Variants in RBFOX1 observed in about 807,000 individuals in gnomAD.
RBFOX1 encodes RNA binding protein fox-1 homolog 1.
RBFOX1 carries 8 observed loss-of-function variants against 57.7 expected under a neutral mutation model. That is an observed-to-expected ratio of 0.14 (90% CI 0.08 to 0.25). RBFOX1 has a LOEUF of 0.25. RBFOX1 is among the 10% of genes least tolerant of loss of function. The pLI, the probability that RBFOX1 is intolerant of heterozygous loss-of-function variation, is 1.00. For synonymous variants in RBFOX1, 326 were observed against 222.4 expected, an observed-to-expected ratio of 1.47 and a Z score of -4.15; for missense variants, 611 against 548.5, an observed-to-expected ratio of 1.11 and a Z score of -1.14.
intron 3 of RBFOX1, among the ~76,000 whole-genome samples, chr16:6,667,740 A>T (rs571787997): frequency 6.6e-6 from 1 of 152,138 alleles, no homozygotes; most frequent in East Asian, 1.9e-4. Flanking sequence ...ATATAGCCAC[A>T]TAGTTAGGCA....
chr16:7,046,559 A>G (rs1192825212), intron 3 of RBFOX1, among the ~76,000 whole-genome samples: 2 of 145,584 alleles, frequency 1.4e-5, no homozygotes, highest in African/African-American at 5.2e-5. Context: ...AATAAAGTTT[A>G]TCACCACGTA....
chr16:6,508,439 T>C (rs965313596), intron 2 of RBFOX1, among the ~76,000 whole-genome samples: 2 of 152,044 alleles, frequency 1.3e-5, no homozygotes, highest in Admixed American at 6.6e-5. Context: ...ATTATGTGGG[T>C]TTTTTAACCA....
intron 14 of RBFOX1, among the ~76,000 whole-genome samples, chr16:7,678,147 A>T (rs898797633): frequency 6.6e-6 from 1 of 152,228 alleles, no homozygotes; most frequent in East Asian, 1.9e-4. Context: ...ATAAGCAGCC[A>T]TAACAAGTTC....
chr16:7,047,418 C>A (rs895334414), intron 3 of RBFOX1, among the ~76,000 whole-genome samples: 3 of 152,004 alleles, frequency 2.0e-5, no homozygotes, highest in African/African-American at 7.2e-5. Context: ...TGTTTTAAAT[C>A]CATAGTTCTT....
At chr16:6,987,536 C>T (rs146759796) in intron 3 of RBFOX1, among the ~76,000 whole-genome samples, 5 of 150,724 alleles carry the variant, frequency 3.3e-5, no homozygotes, top group African/African-American at 1.2e-4. Context: ...CAAACATAAT[C>T]ATATACACGG....
chr16:7,463,841 A>C (rs1483830467), intron 4 of RBFOX1, among the ~76,000 whole-genome samples: 1 of 152,216 alleles, frequency 6.6e-6, no homozygotes, highest in African/African-American at 2.4e-5. Context: ...AGCCACTGAG[A>C]TAGATACTTC....
chr16:7,037,140 G>T (rs756585070), intron 3 of RBFOX1, among the ~76,000 whole-genome samples: 2 of 149,500 alleles, frequency 1.3e-5, no homozygotes, highest in Admixed American at 6.7e-5. Context: ...CTTACGACCT[G>T]TATCTTGTCT....
intron 2 of RBFOX1, among the ~76,000 whole-genome samples, chr16:5,501,980 C>A (rs1343908960): frequency 6.6e-6 from 1 of 152,042 alleles, no homozygotes; most frequent in Non-Finnish European, 1.5e-5. Context: ...ACCTTGGCCT[C>A]CCAAAGTGCT....
At chr16:6,517,545 G>A (rs893116558) in intron 2 of RBFOX1, among the ~76,000 whole-genome samples, 4 of 152,206 alleles carry the variant, frequency 2.6e-5, no homozygotes, top group East Asian at 1.9e-4. Context: ...AGTGGGAGAG[G>A]ATGTGAGGAT....
At chr16:6,550,723 C>G (rs143988363) in intron 2 of RBFOX1, among the ~76,000 whole-genome samples, 2 of 152,332 alleles carry the variant, frequency 1.3e-5, no homozygotes, top group African/African-American at 4.8e-5. Flanking sequence ...AATTGTTATA[C>G]TTCATAAAAT....
chr16:5,855,976 CTTTTTTT>C (rs1160702604), intron 3 of RBFOX1, among the ~76,000 whole-genome samples: 5 of 77,708 alleles, frequency 6.4e-5, no homozygotes, highest in Non-Finnish European at 1.3e-4. Context: ...GTATGTTATT[CTTTTTTT>C]TTTTTTTTTT....
intron 4 of RBFOX1, among the ~76,000 whole-genome samples, chr16:5,973,801 C>A (rs186169365): frequency 2.0e-5 from 3 of 152,328 alleles, no homozygotes; most frequent in Non-Finnish European, 1.5e-5. Flanking sequence ...GGACAAGGAT[C>A]TGTCTCTTCT....
intron 3 of RBFOX1, among the ~76,000 whole-genome samples, chr16:5,843,137 A>G (rs2151850381): frequency 6.6e-6 from 1 of 151,900 alleles, no homozygotes; most frequent in African/African-American, 2.4e-5. Flanking sequence ...TATTATTTTT[A>G]TTTTTATCTT....
chr16:7,705,846 C>G (rs951259472), intron 14 of RBFOX1, among the ~76,000 whole-genome samples: 1 of 152,096 alleles, frequency 6.6e-6, no homozygotes, highest in Non-Finnish European at 1.5e-5. Context: ...GTAAAGTGGA[C>G]ACATTGAAGA....
chr16:6,496,648 A>G (rs1012819354), intron 2 of RBFOX1, among the ~76,000 whole-genome samples: 12 of 152,266 alleles, frequency 7.9e-5, no homozygotes, highest in African/African-American at 2.9e-4. Flanking sequence ...TCTTGGGGAA[A>G]CACATCACAG....
chr16:5,321,374 C>G (rs952869446), intron 1 of RBFOX1, among the ~76,000 whole-genome samples: 4 of 150,998 alleles, frequency 2.6e-5, no homozygotes, highest in African/African-American at 9.7e-5. Context: ...GGCTGGAGTG[C>G]AGTGGCGAAG....
At chr16:6,796,685 T>A (rs755722483) in intron 3 of RBFOX1, among the ~76,000 whole-genome samples, 1 of 152,194 alleles carries the variant, frequency 6.6e-6, no homozygotes, top group East Asian at 1.9e-4. Context: ...ATGTTACCAA[T>A]TGGTAAGAGA....
chr16:7,217,019 C>CCCCCCCTT (rs2092179846), intron 4 of RBFOX1, among the ~76,000 whole-genome samples: 1 of 77,282 alleles, frequency 1.3e-5, no homozygotes, highest in Non-Finnish European at 2.6e-5. Context: ...TTCCCTCCCT[C>CCCCCCCTT]CCTCCCTCCC....
intron 1 of RBFOX1, among the ~76,000 whole-genome samples, chr16:5,355,540 C>T (rs991528507): frequency 2.6e-5 from 4 of 152,068 alleles, no homozygotes; most frequent in African/African-American, 9.7e-5. Context: ...TGGTCAGCTT[C>T]AAAGAGAGGT....
Sources: allele counts gnomAD v4.1 joint callset (sites outside exome capture counted in the v4.1 genomes callset), GRCh38; gene constraint gnomAD v4.1.1; transcripts MANE v1.5; gene names NCBI Gene and HGNC (gene_info 2026-07-23, HGNC 2026-07-21).